TTBK2: variants seen among roughly 807,000 people sequenced by gnomAD.
TTBK2 encodes tau-tubulin kinase 2.
In TTBK2, 28 loss-of-function variants were observed where a neutral mutation model predicts 110.8. That is an observed-to-expected ratio of 0.25 (90% confidence interval 0.19 to 0.35). The LOEUF is 0.35. TTBK2 is among the 10% of genes least tolerant of loss of function. TTBK2 has a pLI of 1.00. For synonymous variants in TTBK2, 532 were observed against 527.3 expected (o/e 1.01, Z -0.12); for missense variants, 1,369 against 1,500.3 (o/e 0.91, Z 1.45).
intron 9 of TTBK2, among the ~76,000 whole-genome samples, chr15:42,797,387 C>T (rs1890991354): frequency 6.6e-6 from 1 of 152,100 alleles, no homozygotes; most frequent in Non-Finnish European, 1.5e-5. Flanking sequence ...TTTGTTACTA[C>T]GATGGTGATA....
intron 2 of TTBK2, among the ~76,000 whole-genome samples, chr15:42,876,467 T>C (rs1405980939): frequency 6.6e-6 from 1 of 152,198 alleles, no homozygotes; most frequent in Non-Finnish European, 1.5e-5. Flanking sequence ...ACATAAAAGA[T>C]TAGCAACTGC....
At chr15:42,758,585 G>GCAGA (rs1163549564) in intron 13 of TTBK2, among the ~76,000 whole-genome samples, 1 of 150,536 alleles carries the variant, frequency 6.6e-6, no homozygotes, top group Admixed American at 6.6e-5. Flanking sequence ...AACCCATGAG[G>GCAGA]CAGAGGTTGT....
rs71108183 is a variant in TTBK2, at chr15:42,815,958, A to AAAAAATATATAT, written c.603+1073_603+1074insATATATATTTTT. Among the ~76,000 whole-genome samples the AAAAAATATATAT allele has an allele frequency of 3.8e-3, 345 of 91,690 alleles. 14 individuals are homozygous for AAAAAATATATAT. The highest frequency in any genetic ancestry group is 9.7e-3 in the African/African-American group (156 of 16,140). 60.2% of individuals were successfully genotyped at this position (91,690 alleles called of 152,430 possible). On this transcript the variant is annotated intron_variant, in intron 7 of 14. Coordinates refer to ENST00000267890, the MANE Select transcript of TTBK2 (RefSeq NM_173500.4). ...TATATATATATATATTTAAAAAAAA[A>AAAAAATATATAT]ATATATATATATATATATATTTGAG...
At chr15:42,884,424 T>C (rs1283324766) in intron 1 of TTBK2, among the ~76,000 whole-genome samples, 1 of 152,204 alleles carries the variant, frequency 6.6e-6, no homozygotes, top group Non-Finnish European at 1.5e-5. Flanking sequence ...TCTTTTGGTA[T>C]AATATTTGGT....
At chr15:42,812,035 A>C (rs1257787296) in intron 7 of TTBK2, among the ~76,000 whole-genome samples, 1 of 152,238 alleles carries the variant, frequency 6.6e-6, no homozygotes, top group Non-Finnish European at 1.5e-5. Context: ...GAAGTAATAT[A>C]ACAGCCCATT....
In TTBK2 at chr15:42,775,536, T is replaced by C; in HGVS notation, c.1597A>G (p.Asn533Asp). The C allele has an allele frequency of 1.2e-6, 2 of 1,614,208 alleles. No homozygotes were observed. Among genetic ancestry groups the C allele is most frequent in the Non-Finnish European group, 1.7e-6 (2 of 1,180,028 alleles). ...CTCAGGTTAACAGCTATAAATCCAT[T>C]GCTGCCACCACCATCTGCCTGCTCA... ...TPEQADGGGS[N>D]GFIAVNLSSC... Residue 533 changes from asparagine to aspartate, a missense_variant, in exon 13 of 15, where the codon AAT (asparagine) becomes GAT (aspartate). Around this residue, in one of 4 missense-constraint regions of TTBK2, gnomAD observed 1,097 missense variants for 1,114.7 expected, o/e 0.98. Coordinates refer to ENST00000267890, the MANE Select transcript of TTBK2 (RefSeq NM_173500.4).
Position 42,741,417 on chromosome 15 carries a change from T to C in TTBK2, c.*4378A>G, listed in dbSNP as rs2061750346. 1 of 152,232 alleles carries C rather than the reference T, an allele frequency of 6.6e-6. No homozygotes were observed. Among genetic ancestry groups the C allele is most frequent in the South Asian group, 2.1e-4 (1 of 4,830 alleles). 9.4% of individuals were successfully genotyped at this position (152,232 alleles called of 1,614,324 possible). ...TACATGCCTTAATCCTGTAATACTTTTGTGTGGTATCATTCTGCTAATATA... is the reference window on the plus strand; with the variant it reads ...TACATGCCTTAATCCTGTAATACTTCTGTGTGGTATCATTCTGCTAATATA... On this transcript the variant is annotated 3_prime_UTR_variant, in exon 15 of 15. Coordinates refer to ENST00000267890, the MANE Select transcript of TTBK2 (RefSeq NM_173500.4).
chr15:42,808,695 TA>T (rs201415783), intron 9 of TTBK2, among the ~76,000 whole-genome samples: 8,402 of 140,612 alleles, frequency 0.06, 687 homozygotes, highest in African/African-American at 0.18. Flanking sequence ...TTAAAAAAAA[TA>T]AAAAAAAAAA....
chr15:42,771,013 G>A (rs1245451080), intron 13 of TTBK2, among the ~76,000 whole-genome samples: 11 of 147,182 alleles, frequency 7.5e-5, no homozygotes, highest in South Asian at 2.1e-4. Context: ...TTGCTCTGTC[G>A]CCCAGGCTGG....
chr15:42,896,980 G>A (rs1895692502), intron 1 of TTBK2, among the ~76,000 whole-genome samples: 1 of 151,718 alleles, frequency 6.6e-6, no homozygotes, highest in African/African-American at 2.4e-5. Context: ...CCGAGTTCAA[G>A]CGATTCTCCT....
chr15:42,848,998 T>C (rs1216916690), intron 3 of TTBK2, among the ~76,000 whole-genome samples: 3 of 152,196 alleles, frequency 2.0e-5, no homozygotes, highest in Non-Finnish European at 2.9e-5. Flanking sequence ...AATCATGTCA[T>C]CCACAAACAG....
Position 42,746,024 on chromosome 15 carries a change from G to A in TTBK2, c.3506C>T (p.Ser1169Phe), listed in dbSNP as rs1432805650. The A allele has an allele frequency of 5.6e-6, 9 of 1,614,166 alleles. No individual in the cohort carries two copies. The highest frequency in any genetic ancestry group is 6.8e-6 in the Non-Finnish European group (8 of 1,180,034). The change falls in exon 15 of 15, where the codon TCT becomes TTT. Residue 1169 changes from serine to phenylalanine, a missense_variant. By Grantham distance (155) the Ser-to-Phe change is radical (BLOSUM62 -2). This residue lies in a region of TTBK2 where 1,097 missense variants were observed against 1,114.7 expected (regional missense o/e 0.98). Transcript: ENST00000267890. Reference protein sequence around the residue: ...SLPRTSSSSPSRAGRPHHDQR... With the variant: ...SLPRTSSSSPFRAGRPHHDQR... Reference sequence around the variant, plus strand: ...GTCATGGTGGGGCCGTCCAGCCCTAGATGGTGAGGAACTAGACGTGCGAGG... The same window carrying A: ...GTCATGGTGGGGCCGTCCAGCCCTAAATGGTGAGGAACTAGACGTGCGAGG...
intron 7 of TTBK2, among the ~76,000 whole-genome samples, chr15:42,815,069 T>C (rs532946264): frequency 1.3e-5 from 2 of 152,312 alleles, no homozygotes; most frequent in South Asian, 4.1e-4. Context: ...AATAATGTAT[T>C]TTCACAGATT....
At chr15:42,903,454 A>T (rs1298670837) in intron 1 of TTBK2, among the ~76,000 whole-genome samples, 4 of 152,208 alleles carry the variant, frequency 2.6e-5, no homozygotes, top group Non-Finnish European at 5.9e-5. Context: ...AATAAAAAGA[A>T]AGTTTAAATT....
intron 3 of TTBK2, among the ~76,000 whole-genome samples, chr15:42,841,605 G>A (rs1352320026): frequency 6.6e-6 from 1 of 152,134 alleles, no homozygotes; most frequent in Non-Finnish European, 1.5e-5. Flanking sequence ...AAGATTTTAA[G>A]ATAAAGAATA....
intron 1 of TTBK2, among the ~76,000 whole-genome samples, chr15:42,911,708 TTAA>T (rs2030763669): frequency 6.6e-6 from 1 of 152,196 alleles, no homozygotes; most frequent in Non-Finnish European, 1.5e-5. Flanking sequence ...CACAGAACAG[TTAA>T]CTAATAAATA....
At chr15:42,780,078 A>G (rs1335542584) in intron 11 of TTBK2, among the ~76,000 whole-genome samples, 1 of 151,680 alleles carries the variant, frequency 6.6e-6, no homozygotes, top group Non-Finnish European at 1.5e-5. Context: ...GCTGGAGTGC[A>G]GTGGCGCAAA....
intron 1 of TTBK2, among the ~76,000 whole-genome samples, chr15:42,902,468 C>T (rs1029207806): frequency 2.6e-5 from 4 of 151,912 alleles, no homozygotes; most frequent in Non-Finnish European, 5.9e-5. Flanking sequence ...TGCGGTGAGC[C>T]GAGATTGTGC....
At chr15:42,811,271 G>C (rs1295943164) in intron 8 of TTBK2, among the ~76,000 whole-genome samples, 10 of 152,192 alleles carry the variant, frequency 6.6e-5, no homozygotes, top group Admixed American at 6.6e-4. Context: ...TAGGATCATA[G>C]ATGTGAGCCA....
Sources: allele counts gnomAD v4.1 joint callset (sites outside exome capture counted in the v4.1 genomes callset), GRCh38; gene constraint gnomAD v4.1.1; regional missense constraint gnomAD v4.1.1; transcripts MANE v1.5; gene names NCBI Gene and HGNC (gene_info 2026-07-23, HGNC 2026-07-21).